Variants in PDGFD observed in about 807,000 individuals in gnomAD.
PDGFD encodes platelet-derived growth factor D.
Under a neutral mutation model 44.7 loss-of-function variants are expected in PDGFD, and 30 were observed. That is an observed-to-expected ratio of 0.67 (90% CI 0.50 to 0.91). The LOEUF (loss-of-function observed/expected upper bound fraction) is 0.91. Ranked by LOEUF, PDGFD falls within the 40% of genes least tolerant of loss-of-function variation. PDGFD has a pLI of 0.00. For missense variants in PDGFD, 445 were observed against 457.8 expected, an observed-to-expected ratio of 0.97 and a Z score of 0.25; for synonymous variants, 173 against 168.4, an observed-to-expected ratio of 1.03 and a Z score of -0.21.
chr11:104,134,023 C>T (rs2119851453), intron 1 of PDGFD, among the ~76,000 whole-genome samples: 1 of 152,316 alleles, frequency 6.6e-6, no homozygotes. Context: ...AATCTCACAA[C>T]TACATGCATT....
intron 1 of PDGFD, among the ~76,000 whole-genome samples, chr11:104,044,970 G>A (rs949168423): frequency 2.0e-5 from 3 of 151,994 alleles, no homozygotes; most frequent in African/African-American, 4.8e-5. Context: ...CCCGGGGGGC[G>A]GAGCTTGCAG....
intron 1 of PDGFD, among the ~76,000 whole-genome samples, chr11:104,022,074 C>T (rs976499771): frequency 7.2e-5 from 11 of 152,028 alleles, no homozygotes; most frequent in African/African-American, 2.2e-4. Context: ...ACCAGTACTT[C>T]GTTAATGAAA....
intron 1 of PDGFD, among the ~76,000 whole-genome samples, chr11:104,064,423 G>A (rs1037927492): frequency 3.3e-5 from 5 of 152,130 alleles, no homozygotes; most frequent in South Asian, 2.1e-4. Flanking sequence ...TATCCTTTCC[G>A]TGAGGCAGGC....
chr11:103,910,462 G>A (rs1303618777), intron 6 of PDGFD, among the ~76,000 whole-genome samples: 3 of 152,194 alleles, frequency 2.0e-5, no homozygotes, highest in Admixed American at 6.5e-5. Context: ...CTGAAGCAGG[G>A]TGGGGTGTCC....
chr11:104,032,719 A>G (rs565252113), intron 1 of PDGFD, among the ~76,000 whole-genome samples: 84 of 152,066 alleles, frequency 5.5e-4, no homozygotes, highest in Non-Finnish European at 3.4e-4. Flanking sequence ...TTATTAAAAA[A>G]ATAACTTTGG....
At chr11:103,967,010 C>A (rs151266541) in intron 3 of PDGFD, among the ~76,000 whole-genome samples, 2 of 152,182 alleles carry the variant, frequency 1.3e-5, no homozygotes, top group Admixed American at 6.5e-5. Flanking sequence ...TGGCTTCATT[C>A]AAGCACTTTC....
chr11:104,007,250 A>G (rs1859716883), intron 1 of PDGFD, among the ~76,000 whole-genome samples: 1 of 152,092 alleles, frequency 6.6e-6, no homozygotes, highest in Non-Finnish European at 1.5e-5. Flanking sequence ...TCCAGTATAC[A>G]ATGACTAGAG....
intron 1 of PDGFD, among the ~76,000 whole-genome samples, chr11:104,014,042 G>A (rs934820910): frequency 1.3e-5 from 2 of 152,242 alleles, no homozygotes; most frequent in Non-Finnish European, 2.9e-5. Context: ...GAAGGATTCT[G>A]AGCCTGTGTC....
chr11:104,022,506 T>C (rs1859976131), intron 1 of PDGFD, among the ~76,000 whole-genome samples: 1 of 152,024 alleles, frequency 6.6e-6, no homozygotes, highest in African/African-American at 2.4e-5. Context: ...AAAGAATAGA[T>C]TTTACCCCCC....
intron 3 of PDGFD, among the ~76,000 whole-genome samples, chr11:103,954,621 TG>T (rs2134331147): frequency 6.6e-6 from 1 of 152,316 alleles, no homozygotes; most frequent in East Asian, 1.9e-4. Flanking sequence ...ATGACTTATT[TG>T]GGGAAAGTTT....
intron 1 of PDGFD, among the ~76,000 whole-genome samples, chr11:104,032,412 T>C (rs1044990950): frequency 1.3e-5 from 2 of 152,146 alleles, no homozygotes; most frequent in Non-Finnish European, 2.9e-5. Context: ...TCTTAATAAG[T>C]CTTGATTACA....
intron 1 of PDGFD, chr11:104,038,499 T>C (rs1323762207): frequency 5.7e-6 from 1 of 175,560 alleles, no homozygotes; most frequent in African/African-American, 2.4e-5. Flanking sequence ...GTATTAGAAA[T>C]GGTAGGTCAG....
At chr11:103,910,396 C>G (rs1858009054) in intron 6 of PDGFD, among the ~76,000 whole-genome samples, 1 of 152,172 alleles carries the variant, frequency 6.6e-6, no homozygotes, top group South Asian at 2.1e-4. Flanking sequence ...AACTGAGGTA[C>G]CCAGTTCATC....
rs201214631 is a variant in PDGFD at position 104,032,205 on chromosome 11, G to GAATA, written c.125-31954_125-31951dup. On this transcript the variant is annotated intron_variant, in intron 1 of 6. Coordinates refer to ENST00000393158, the MANE Select transcript of PDGFD (RefSeq NM_025208.5). ...ATACAACAACAACAACAAAAATAAT[G>GAATA]AATAAATAAATAAATAAATAACTAT... Among the ~76,000 whole-genome samples the GAATA allele has an allele frequency of 9.8e-4, 149 of 151,800 alleles. 3 individuals carry two copies. The East Asian group carries it at 0.022, about 22-fold the overall frequency.
intron 1 of PDGFD, among the ~76,000 whole-genome samples, chr11:104,119,688 TAA>T (rs1861737137): frequency 1.0e-5 from 1 of 95,508 alleles, no homozygotes; most frequent in African/African-American, 4.5e-5. Flanking sequence ...TATCGATATA[TAA>T]TATATAATAT....
intron 1 of PDGFD, among the ~76,000 whole-genome samples, chr11:104,045,011 C>A (rs260811): frequency 0.016 from 2,370 of 152,222 alleles, 68 homozygotes; most frequent in African/African-American, 0.054. Flanking sequence ...GCACTCCAGC[C>A]TCGGCGACAG....
intron 1 of PDGFD, among the ~76,000 whole-genome samples, chr11:104,104,898 C>G (rs1400070317): frequency 7.0e-6 from 1 of 142,838 alleles, no homozygotes; most frequent in Non-Finnish European, 1.6e-5. Flanking sequence ...ATACCATATG[C>G]AAATTTACAT....
At chr11:103,947,375 C>G (rs1858681682) in intron 4 of PDGFD, among the ~76,000 whole-genome samples, 1 of 152,142 alleles carries the variant, frequency 6.6e-6, no homozygotes, top group African/African-American at 2.4e-5. Context: ...TTTGGACAGA[C>G]CTTTAATTGG....
chr11:104,163,947 A>T lies in PDGFD; in HGVS notation c.-20T>A, dbSNP rs775578665. 29 of 1,521,860 alleles carry T rather than the reference A, an allele frequency of 1.9e-5. No homozygotes were observed. Among genetic ancestry groups the T allele is most frequent in the Admixed American group, 3.7e-5 (2 of 54,416 alleles). The allele number at this position is 1,521,860 out of a possible 1,614,324, so 94.3% of individuals were successfully genotyped here. A position where few individuals can be genotyped will look rare whatever the true frequency, so the allele number is the denominator to read the frequency against. On this transcript the variant is annotated 5_prime_UTR_variant, in exon 1 of 7. Coordinates refer to ENST00000393158, the MANE Select transcript of PDGFD (RefSeq NM_025208.5). Reference sequence around the variant, plus strand: ...GTGCATTTGGGATCAGCGACTAGAGACAGCGTCGCTCCAAGAAAAAGCCGG... The same window carrying T: ...GTGCATTTGGGATCAGCGACTAGAGTCAGCGTCGCTCCAAGAAAAAGCCGG...
Sources: allele counts gnomAD v4.1 joint callset (sites outside exome capture counted in the v4.1 genomes callset), GRCh38; gene constraint gnomAD v4.1.1; transcripts MANE v1.5; gene names NCBI Gene and HGNC (gene_info 2026-07-23, HGNC 2026-07-21).